PCDHGA5: variants seen among roughly 807,000 people sequenced by gnomAD.
PCDHGA5 encodes protocadherin gamma subfamily A, 5.
PCDHGA5 carries 36 observed loss-of-function variants against 56.7 expected under a neutral mutation model. The observed-to-expected ratio is 0.64, with a 90% CI of 0.49 to 0.84. The LOEUF is 0.84. PCDHGA5 is among the 40% of genes least tolerant of loss of function. The pLI is 0.00. For missense variants in PCDHGA5, 1,305 were observed against 1,201.5 expected, an observed-to-expected ratio of 1.09 and a Z score of -1.27; for synonymous variants, 563 against 520.2, an observed-to-expected ratio of 1.08 and a Z score of -1.12.
At chr5:141,399,977 T>C (rs1166854292) in intron 1 of PCDHGA5, 1 of 1,612,262 alleles carries the variant, frequency 6.2e-7, no homozygotes, top group African/African-American at 1.3e-5. Flanking sequence ...AGCCTGGGGC[T>C]GCGCACAGGA....
chr5:141,421,812 A>T, intron 1 of PCDHGA5: 1 of 1,613,822 alleles, frequency 6.2e-7, no homozygotes, highest in Non-Finnish European at 8.5e-7. Context: ...ATCCAGAGCT[A>T]GTACTGGAGG....
chr5:141,371,287 C>T, intron 1 of PCDHGA5: 2 of 1,613,928 alleles, frequency 1.2e-6, no homozygotes, highest in South Asian at 1.1e-5. Flanking sequence ...GACAGTAAAA[C>T]GGGGGAACTC....
At chr5:141,389,480 C>G in intron 1 of PCDHGA5, 1 of 1,613,150 alleles carries the variant, frequency 6.2e-7, no homozygotes, top group Non-Finnish European at 8.5e-7. Flanking sequence ...CACTGCAGGC[C>G]CGCGACCAGG....
chr5:141,432,237 A>T lies in PCDHGA5; in HGVS notation c.2422-62570A>T. ...GCCCAGATCACTTATTCCCTGGCTG[A>T]GAACACCATCCAAGGGGCAAGCCTA... On this transcript the variant is annotated intron_variant, in intron 1 of 3. Transcript: ENST00000518069. The surrounding 1 kb of genome is among the most constrained non-coding windows in gnomAD (Gnocchi z 6.0). The T allele has an allele frequency of 2.5e-6, 4 of 1,614,224 alleles. No individual in the cohort carries two copies. Among genetic ancestry groups the T allele is most frequent in the Non-Finnish European group, 3.4e-6 (4 of 1,180,032 alleles).
chr5:141,403,069 A>T (rs747569947), intron 1 of PCDHGA5: 10 of 1,613,954 alleles, frequency 6.2e-6, no homozygotes, highest in Non-Finnish European at 7.6e-6. Context: ...CTGAAGAGAC[A>T]GAAAAGGGCT....
At chr5:141,380,579 G>A (rs892018372) in intron 1 of PCDHGA5, among the ~76,000 whole-genome samples, 1 of 152,134 alleles carries the variant, frequency 6.6e-6, no homozygotes, top group Non-Finnish European at 1.5e-5. Context: ...TATCTTGGCG[G>A]TCTAGTAAAG....
intron 1 of PCDHGA5, chr5:141,427,525 CG>C (rs996050026): frequency 4.9e-6 from 3 of 612,098 alleles, no homozygotes; most frequent in Non-Finnish European, 9.2e-6. Flanking sequence ...GAGCGGATCC[CG>C]GAGTACAACG....
rs543051313 is a variant in PCDHGA5, at chr5:141,365,572, G to A, written c.1242G>A (p.Glu414=). The A allele has an allele frequency of 1.9e-6, 3 of 1,613,640 alleles. No individual in the cohort carries two copies. The highest frequency in any genetic ancestry group is 3.3e-5 in the Admixed American group (2 of 60,016). Reference sequence around the variant, plus strand: ...CAACTAGGGACCTGGACAGAGAAGAGACTTCAGATTATAATATCACTTTAA... The same window carrying A: ...CAACTAGGGACCTGGACAGAGAAGAAACTTCAGATTATAATATCACTTTAA... ...LLTTRDLDRE[E]TSDYNITLTV... The change falls in exon 1 of 4, where the codon GAG becomes GAA. Residue 414 remains glutamate (E), a synonymous_variant. Coordinates refer to ENST00000518069, the MANE Select transcript of PCDHGA5 (RefSeq NM_018918.3).
intron 1 of PCDHGA5, among the ~76,000 whole-genome samples, chr5:141,368,347 A>C (rs1019571086): frequency 1.3e-5 from 2 of 152,112 alleles, no homozygotes; most frequent in Non-Finnish European, 2.9e-5. Context: ...ATACATATAC[A>C]CACACATATA....
chr5:141,420,135 A>T (rs2096469364), intron 1 of PCDHGA5: 1 of 1,614,026 alleles, frequency 6.2e-7, no homozygotes. Flanking sequence ...GTGCCTGGGG[A>T]TCAAATGAAT....
At position 141,491,658 on chromosome 5, in the gene PCDHGA5, C is replaced by A; in HGVS notation, c.2422-3149C>A. 1 of 1,613,822 alleles carries A rather than the reference C, an allele frequency of 6.2e-7. No homozygotes were observed. The highest frequency in any genetic ancestry group is 8.5e-7 in the Non-Finnish European group (1 of 1,180,016). On this transcript the variant is annotated intron_variant, in intron 1 of 3. Coordinates refer to ENST00000518069, the MANE Select transcript of PCDHGA5 (RefSeq NM_018918.3). The surrounding 1 kb of genome is among the most constrained non-coding windows in gnomAD (Gnocchi z 6.9). ...CCACAGCTCTGGCGCTGGAGCCTGA[C>A]GCCATCCGGTCCCGCTCTAATACGC... is the stretch of plus-strand genomic sequence containing the variant.
In PCDHGA5 at chr5:141,487,439, T is replaced by C. The variant is rs201458212; in HGVS notation, c.2422-7368T>C. 1 of 1,613,926 alleles carries C rather than the reference T, an allele frequency of 6.2e-7. No individual in the cohort carries two copies. Among genetic ancestry groups the C allele is most frequent in the South Asian group, 1.1e-5 (1 of 91,066 alleles). ...TGGGATCCTCCGAATCCAGCTAGGG[T>C]CAGATGACCCTATCAAGTTTGTTGA... is the stretch of plus-strand genomic sequence containing the variant. On this transcript the variant is annotated intron_variant, in intron 1 of 3. Transcript: ENST00000518069. This position sits in a 1 kb window ranked among gnomAD's most constrained non-coding sequence, Gnocchi z 5.0.
At chr5:141,420,625 T>C (rs1440415745) in intron 1 of PCDHGA5, among the ~76,000 whole-genome samples, 1 of 152,242 alleles carries the variant, frequency 6.6e-6, no homozygotes, top group Non-Finnish European at 1.5e-5. Flanking sequence ...CTTCATTTAC[T>C]CAATAAAGGA....
At chr5:141,405,044 G>T (rs769617162) in intron 1 of PCDHGA5, 160 of 1,613,938 alleles carry the variant, frequency 9.9e-5, no homozygotes, top group Middle Eastern at 1.6e-4. Flanking sequence ...TGTGGCTGTG[G>T]CAGTCGTCTC....
At chr5:141,408,747 T>C (rs1589683971) in intron 1 of PCDHGA5, 1 of 1,609,868 alleles carries the variant, frequency 6.2e-7, no homozygotes, top group Non-Finnish European at 8.5e-7. Flanking sequence ...TCATTAATGG[T>C]TAGAGTTAAT....
Position 141,491,019 on chromosome 5 carries a change from A to G in PCDHGA5, c.2422-3788A>G. 5 of 1,614,116 alleles carry G rather than the reference A, an allele frequency of 3.1e-6. No individual in the cohort carries two copies. The highest frequency in any genetic ancestry group is 4.2e-6 in the Non-Finnish European group (5 of 1,180,026). ...CTGGCTCCTTGGTCACCAAGGTGAC[A>G]GCCGTGGATGCTGATGCAGGCCACA... On this transcript the variant is annotated intron_variant, in intron 1 of 3. Coordinates refer to ENST00000518069, the MANE Select transcript of PCDHGA5 (RefSeq NM_018918.3). This position sits in a 1 kb window ranked among gnomAD's most constrained non-coding sequence, Gnocchi z 6.9.
At chr5:141,376,364 G>T in intron 1 of PCDHGA5, 1 of 1,614,202 alleles carries the variant, frequency 6.2e-7, no homozygotes, top group Non-Finnish European at 8.5e-7. Flanking sequence ...CTCACTCACT[G>T]CAGACTCGCG....
chr5:141,431,022 G>A lies in PCDHGA5; in HGVS notation c.2422-63785G>A. ...CGCAGCGGCAGCTTGGTCACGGCGG[G>A]CAGGATAGACCGGGAGGAGCTCTGT... On this transcript the variant is annotated intron_variant, in intron 1 of 3. Transcript: ENST00000518069. This position sits in a 1 kb window ranked among gnomAD's most constrained non-coding sequence, Gnocchi z 4.8. 1 of 1,614,078 alleles carries A rather than the reference G, an allele frequency of 6.2e-7. No individual in the cohort carries two copies. Among genetic ancestry groups the A allele is most frequent in the African/African-American group, 1.3e-5 (1 of 75,074 alleles).
In PCDHGA5 at chr5:141,489,327, G is replaced by A; in HGVS notation, c.2422-5480G>A. The A allele has an allele frequency of 6.2e-7, 1 of 1,603,940 alleles. No individual in the cohort carries two copies. Among genetic ancestry groups the A allele is most frequent in the South Asian group, 1.1e-5 (1 of 89,400 alleles). ...TGTGCTGCTGGGGCTGGGTGTCTGG[G>A]CAGCTTCGTTACTCAGTGGTGGAGG... is the stretch of plus-strand genomic sequence containing the variant. On this transcript the variant is annotated intron_variant, in intron 1 of 3. Transcript: ENST00000518069. This position sits in a 1 kb window ranked among gnomAD's most constrained non-coding sequence, Gnocchi z 4.5.
Sources: allele counts gnomAD v4.1 joint callset (sites outside exome capture counted in the v4.1 genomes callset), GRCh38; gene constraint gnomAD v4.1.1; non-coding constraint Gnocchi (gnomAD v3.1); transcripts MANE v1.5; gene names NCBI Gene and HGNC (gene_info 2026-07-23, HGNC 2026-07-21).